The following HTR2C variants were observed in gnomAD, a reference collection of about 807,000 sequenced individuals.
The protein encoded by HTR2C is 5-hydroxytryptamine receptor 2C, also known as 5-hydroxytryptamine (serotonin) receptor 2C, G protein-coupled.
Under a neutral mutation model 21.0 loss-of-function variants are expected in HTR2C, and 5 were observed. The observed-to-expected ratio is 0.24, with a 90% CI of 0.12 to 0.50. The LOEUF (loss-of-function observed/expected upper bound fraction) is 0.50. HTR2C is among the 20% of genes least tolerant of loss of function. The pLI, the probability that HTR2C is intolerant of heterozygous loss-of-function variation, is 0.98. For missense variants in HTR2C, 271 were observed against 371.2 expected, an observed-to-expected ratio of 0.73 and a Z score of 2.22; for synonymous variants, 150 against 145.3, an observed-to-expected ratio of 1.03 and a Z score of -0.23.
chrX:114,776,416 G>C (rs781976427), intron 4 of HTR2C: 1 of 741,701 alleles, frequency 1.3e-6, no homozygotes, highest in East Asian at 3.2e-5. Flanking sequence ...GGACCATAGA[G>C]GACACCTCCT....
At chrX:114,617,978 A>G (rs1195498864) in intron 2 of HTR2C, among the ~76,000 whole-genome samples, 4 of 112,275 alleles carry the variant, frequency 3.6e-5, no homozygotes, top group African/African-American at 1.3e-4. Flanking sequence ...GAACATACAC[A>G]TTTAAAGCAC....
intron 1 of HTR2C, among the ~76,000 whole-genome samples, chrX:114,594,145 T>G (rs1485617800): frequency 1.8e-5 from 2 of 111,880 alleles, no homozygotes; most frequent in Non-Finnish European, 3.8e-5. Context: ...AGCTACAAAC[T>G]CTACACAAAA....
intron 4 of HTR2C, among the ~76,000 whole-genome samples, chrX:114,802,313 G>A (rs1013753712): frequency 9.0e-6 from 1 of 110,889 alleles, no homozygotes; most frequent in African/African-American, 3.3e-5. Context: ...AGGGGCCTCT[G>A]GAAGCTAGCT....
rs1491466768 is a variant in HTR2C at position 114,909,562 on chromosome X, CAA to C, written c.*2150_*2151del. Reference sequence around the variant, plus strand: ...TCATAGCACATGTTTTACAAAGAAACAAAATATAAATCACAGATTTCCAAAAG... The same window carrying C: ...TCATAGCACATGTTTTACAAAGAAACAATATAAATCACAGATTTCCAAAAG... On this transcript the variant is annotated 3_prime_UTR_variant, in exon 6 of 6. Coordinates refer to ENST00000276198, the MANE Select transcript of HTR2C (RefSeq NM_000868.4). The C allele has an allele frequency of 2.7e-5, 3 of 112,232 alleles. No homozygotes were observed. The highest frequency in any genetic ancestry group is 9.7e-5 in the African/African-American group (3 of 30,808). 9.2% of individuals were successfully genotyped at this position (112,232 alleles called of 1,213,427 possible). A position where few individuals can be genotyped will look rare whatever the true frequency, so the allele number is the denominator to read the frequency against.
intron 2 of HTR2C, among the ~76,000 whole-genome samples, chrX:114,641,779 G>T (rs1321788837): frequency 1.8e-5 from 2 of 111,382 alleles, no homozygotes; most frequent in Non-Finnish European, 3.8e-5. Flanking sequence ...AGGATGTGCA[G>T]GTTTGTTACA....
chrX:114,725,398 A>T (rs1933415760), intron 2 of HTR2C, among the ~76,000 whole-genome samples: 1 of 110,543 alleles, frequency 9.0e-6, no homozygotes, highest in African/African-American at 3.3e-5. Context: ...TGTATTGGTT[A>T]TTCTAGTTAT....
chrX:114,873,431 C>A (rs1288362615), intron 5 of HTR2C, among the ~76,000 whole-genome samples: 2 of 111,018 alleles, frequency 1.8e-5, no homozygotes, highest in African/African-American at 6.5e-5. Context: ...ATTGTATGCC[C>A]AGCATTATGG....
intron 2 of HTR2C, among the ~76,000 whole-genome samples, chrX:114,619,747 T>A (rs1929084232): frequency 9.0e-6 from 1 of 111,485 alleles, no homozygotes; most frequent in South Asian, 3.8e-4. Context: ...TTATATACCC[T>A]AATAGATAAC....
chrX:114,753,903 CAG>C (rs2069785634), intron 4 of HTR2C, among the ~76,000 whole-genome samples: 1 of 111,476 alleles, frequency 9.0e-6, no homozygotes, highest in African/African-American at 3.3e-5. Context: ...GCTTAAACAA[CAG>C]AGTTATTTTA....
chrX:114,707,516 C>A (rs1932805475), intron 2 of HTR2C, among the ~76,000 whole-genome samples: 1 of 111,725 alleles, frequency 9.0e-6, no homozygotes, highest in Non-Finnish European at 1.9e-5. Context: ...GTAAACATCA[C>A]TTTAAAAGCC....
chrX:114,663,917 A>G (rs1449103201), intron 2 of HTR2C, among the ~76,000 whole-genome samples: 4 of 111,562 alleles, frequency 3.6e-5, no homozygotes, highest in African/African-American at 1.3e-4. Flanking sequence ...CATTTCCACT[A>G]AATAGTTTAG....
intron 2 of HTR2C, among the ~76,000 whole-genome samples, chrX:114,700,935 G>A (rs190624535): frequency 9.7e-4 from 109 of 112,215 alleles, no homozygotes; most frequent in African/African-American, 3.3e-3. Flanking sequence ...AGGGTCCTAC[G>A]CCCACGGAGT....
rs781991020 is a variant in HTR2C at position 114,869,026 on chromosome X, G to A, written c.550+20823G>A. Reference sequence around the variant, plus strand: ...CCCCTGACAGGCCCCAGTGAGTGATGTTCCCCGCCCTCTGTCCAAGTGATC... The same window carrying A: ...CCCCTGACAGGCCCCAGTGAGTGATATTCCCCGCCCTCTGTCCAAGTGATC... On this transcript the variant is annotated intron_variant, in intron 5 of 5. Transcript: ENST00000276198. Among the ~76,000 whole-genome samples, 330 of 108,721 alleles carry A rather than the reference G, an allele frequency of 3.0e-3. 1 individual carries two copies. The highest frequency in any genetic ancestry group is 4.6e-3 in the Non-Finnish European group (239 of 52,456). 94.4% of individuals were successfully genotyped at this position (108,721 alleles called of 115,157 possible).
intron 4 of HTR2C, among the ~76,000 whole-genome samples, chrX:114,736,059 G>A (rs1315966413): frequency 9.1e-6 from 1 of 109,777 alleles, no homozygotes; most frequent in Non-Finnish European, 1.9e-5. Context: ...CTTGCAGTGA[G>A]CCGAGATCGC....
chrX:114,608,361 T>G (rs1472931500), intron 1 of HTR2C, among the ~76,000 whole-genome samples: 6 of 111,237 alleles, frequency 5.4e-5, no homozygotes, highest in Non-Finnish European at 9.4e-5. Context: ...CAATTTAGAA[T>G]ATTTCCATCA....
At chrX:114,803,989 G>A (rs2147431290) in intron 4 of HTR2C, among the ~76,000 whole-genome samples, 1 of 111,988 alleles carries the variant, frequency 8.9e-6, no homozygotes, top group East Asian at 2.8e-4. Flanking sequence ...TGTGTTGAGT[G>A]CTGGAGATAT....
At chrX:114,900,236 T>C (rs1394356956) in intron 5 of HTR2C, 1 of 126,438 alleles carries the variant, frequency 7.9e-6, no homozygotes, top group Non-Finnish European at 1.7e-5. Flanking sequence ...CAATGCATTG[T>C]CATCATTAAT....
chrX:114,630,505 A>C (rs782480302), intron 2 of HTR2C, among the ~76,000 whole-genome samples: 1 of 112,027 alleles, frequency 8.9e-6, no homozygotes, highest in Non-Finnish European at 1.9e-5. Context: ...GCAGTCAATG[A>C]AGTAGTTATT....
intron 5 of HTR2C, among the ~76,000 whole-genome samples, chrX:114,866,343 T>C (rs2071045600): frequency 9.1e-6 from 1 of 109,400 alleles, no homozygotes. Context: ...TTAGCTGTAA[T>C]ATTTGCTTCT....
Sources: allele counts gnomAD v4.1 joint callset (sites outside exome capture counted in the v4.1 genomes callset), GRCh38; gene constraint gnomAD v4.1.1; transcripts MANE v1.5; gene names NCBI Gene and HGNC (gene_info 2026-07-23, HGNC 2026-07-21).